Variants in SAMD4B observed in about 807,000 individuals in gnomAD.
SAMD4B encodes protein Smaug homolog 2.
A neutral mutation model predicts 74.5 loss-of-function variants in SAMD4B; 5 were observed. That is an observed-to-expected ratio of 0.07 (90% CI 0.04 to 0.14). The LOEUF (loss-of-function observed/expected upper bound fraction) is 0.14, where lower values mean the gene tolerates loss of function less well. SAMD4B is among the 10% of genes least tolerant of loss of function. The pLI is 1.00. For synonymous variants in SAMD4B, 373 were observed against 374.9 expected (o/e 1.00, Z 0.06); for missense variants, 608 against 921.8 (o/e 0.66, Z 4.41).
chr19:39,350,947 C>T (rs2076006132), intron 1 of SAMD4B: 1 of 152,262 alleles, frequency 6.6e-6, no homozygotes, highest in Non-Finnish European at 1.5e-5. Flanking sequence ...CCATGTTGCC[C>T]AGGCTGCTGA....
Position 39,385,384 on chromosome 19 carries a change from G to C in SAMD4B, c.*1857G>C. On this transcript the variant is annotated 3_prime_UTR_variant, in exon 14 of 14. Transcript: ENST00000610417. ...TGACTGTGCCTGGCACTGGGAGGTG[G>C]TGAGGGACACCGTCTCACACACACA... The C allele has an allele frequency of 2.5e-6, 1 of 405,340 alleles. No homozygotes were observed. Among genetic ancestry groups the C allele is most frequent in the Non-Finnish European group, 4.4e-6 (1 of 229,830 alleles). The allele number at this position is 405,340 out of a possible 1,614,324, so 25.1% of individuals were successfully genotyped here.
chr19:39,380,454 A>G (rs1446246427), intron 10 of SAMD4B, 133 bp from the exon 11 acceptor site: 1 of 928,254 alleles, frequency 1.1e-6, no homozygotes, highest in African/African-American at 1.6e-5. Flanking sequence ...CCCTTGGGGC[A>G]GATGAGGACA....
chr19:39,388,702 T>C, downstream of SAMD4B: 1 of 1,611,566 alleles, frequency 6.2e-7, no homozygotes, highest in Non-Finnish European at 8.5e-7. Context: ...GGAGTAGCAA[T>C]GAAGTGTGAG....
chr19:39,364,926 G>C (rs1399854257), intron 3 of SAMD4B, among the ~76,000 whole-genome samples: 1 of 152,140 alleles, frequency 6.6e-6, no homozygotes, highest in Non-Finnish European at 1.5e-5. Context: ...GGATTGGAGA[G>C]ATAAAAGGTT....
At chr19:39,359,087 C>T (rs370565809) in intron 3 of SAMD4B, among the ~76,000 whole-genome samples, 3 of 152,192 alleles carry the variant, frequency 2.0e-5, no homozygotes, top group East Asian at 3.8e-4. Flanking sequence ...GGAGCTCAGC[C>T]ATTTCTCACC....
downstream of SAMD4B, chr19:39,389,050 G>A: frequency 6.2e-7 from 1 of 1,612,694 alleles, no homozygotes; most frequent in South Asian, 1.1e-5. This position sits in a 1 kb window ranked among gnomAD's most constrained non-coding sequence, Gnocchi z 5.3. Flanking sequence ...GAGGAGCTCT[G>A]CAGCCGCACC....
intron 1 of SAMD4B, chr19:39,350,151 G>A (rs1043088030): frequency 6.6e-6 from 1 of 152,202 alleles, no homozygotes; most frequent in Non-Finnish European, 1.5e-5. Flanking sequence ...GATGTATGAA[G>A]ACATGCTAAG....
In SAMD4B at chr19:39,377,634, A is replaced by G. The variant is rs1339033698; in HGVS notation, c.1254A>G (p.Pro418=). The change falls in exon 8 of 14, where the codon CCA becomes CCG. Residue 418 remains proline (P), a synonymous_variant. Transcript: ENST00000610417. ...PTAKDGAPGE[P]PLPGAEPPLA... is the part of the protein sequence containing the mutation. ...CCAAGGATGGGGCCCCGGGGGAACCACCGCTGCCAGGTGCTGAGCCTCCCC... is the reference window on the plus strand; with the variant it reads ...CCAAGGATGGGGCCCCGGGGGAACCGCCGCTGCCAGGTGCTGAGCCTCCCC... The G allele has an allele frequency of 6.2e-7, 1 of 1,614,034 alleles. No individual in the cohort carries two copies. The highest frequency in any genetic ancestry group is 2.2e-5 in the East Asian group (1 of 44,874).
At chr19:39,362,484 T>C (rs2076713569) in intron 3 of SAMD4B, among the ~76,000 whole-genome samples, 1 of 152,066 alleles carries the variant, frequency 6.6e-6, no homozygotes, top group Non-Finnish European at 1.5e-5. Flanking sequence ...TTCATGGAAG[T>C]AGGACATGAG....
chr19:39,365,753 C>T (rs1214342355), intron 3 of SAMD4B, among the ~76,000 whole-genome samples: 1 of 152,150 alleles, frequency 6.6e-6, no homozygotes, highest in South Asian at 2.1e-4. Context: ...AGTAAATGCT[C>T]AATAAACAGT....
chr19:39,386,654 C>T (rs376652596), downstream of SAMD4B: 1 of 1,597,990 alleles, frequency 6.3e-7, no homozygotes, highest in Admixed American at 1.7e-5. This position sits in a 1 kb window ranked among gnomAD's most constrained non-coding sequence, Gnocchi z 6.1. Flanking sequence ...AACCACCACC[C>T]TCCCTGCCAT....
downstream of SAMD4B, chr19:39,388,815 G>A (rs2078309816): frequency 1.2e-6 from 2 of 1,614,022 alleles, no homozygotes; most frequent in Admixed American, 3.3e-5. Flanking sequence ...TCGTGTCCTT[G>A]GGGGCTGGGT....
chr19:39,369,575 T>C lies in SAMD4B; in HGVS notation c.197-80T>C, dbSNP rs1600560946. ...GAAAAGAAGATTGGAGCTGAGGGAA[T>C]AGGCCATAGGCAGTGCTCTCAGGTG... On this transcript the variant is annotated intron_variant, in intron 3 of 13. Transcript: ENST00000610417. 7.5e-6 allele frequency: 8 copies of C among 1,073,636 alleles called. No homozygotes were observed. In the East Asian group the frequency reaches 7.6e-5, roughly 10 times the overall value. The allele number at this position is 1,073,636 out of a possible 1,614,324, so 66.5% of individuals were successfully genotyped here.
In SAMD4B at chr19:39,383,275, A is replaced by G. The variant is rs774335903; in HGVS notation, c.2040A>G (p.Thr680=). The change falls in exon 13 of 14, where the codon ACA becomes ACG. Residue 680 remains threonine, a synonymous_variant. Coordinates refer to ENST00000610417, the MANE Select transcript of SAMD4B (RefSeq NM_001384574.2). This position sits in a 1 kb window ranked among gnomAD's most constrained non-coding sequence, Gnocchi z 4.1. The stretch of plus-strand genomic sequence containing the variant: ...TGGAGTCTCTGTGTCTGAGCATGAC[A>G]GAACACGCCTTGGGTGGTGAGCATT... ...PTLESLCLSM[T]EHALGDGTDK... 2 of 1,614,142 alleles carry G rather than the reference A, an allele frequency of 1.2e-6. No individual in the cohort carries two copies. The highest frequency in any genetic ancestry group is 4.5e-5 in the East Asian group (2 of 44,880).
chr19:39,386,291 A>G (rs2078246722), downstream of SAMD4B: 1 of 1,613,052 alleles, frequency 6.2e-7, no homozygotes, highest in Admixed American at 1.7e-5. The surrounding 1 kb of genome is among the most constrained non-coding windows in gnomAD (Gnocchi z 6.1). Context: ...CACCACTGCC[A>G]CTCTTGTCAC....
intron 7 of SAMD4B, 68 bp from the exon 8 acceptor site, chr19:39,377,417 T>C: frequency 7.4e-7 from 1 of 1,357,856 alleles, no homozygotes; most frequent in Non-Finnish European, 1.0e-6. Context: ...TCTGACTCTC[T>C]GTGTAGATAC....
chr19:39,346,173 T>C (rs2075689352), intron 1 of SAMD4B, among the ~76,000 whole-genome samples: 1 of 152,164 alleles, frequency 6.6e-6, no homozygotes, highest in South Asian at 2.1e-4. Context: ...AGTAGGGGGC[T>C]TGGGCATGTA....
At chr19:39,371,633 A>C (rs186229366) in intron 4 of SAMD4B, among the ~76,000 whole-genome samples, 1 of 152,156 alleles carries the variant, frequency 6.6e-6, no homozygotes, top group Non-Finnish European at 1.5e-5. Flanking sequence ...CCTGACCAAC[A>C]TGGTGAAACC....
chr19:39,390,113 G>A, downstream of SAMD4B: 2 of 1,614,098 alleles, frequency 1.2e-6, no homozygotes, highest in Non-Finnish European at 1.7e-6. Flanking sequence ...GGTCGAAGGG[G>A]ATATCAGGGA....
Sources: allele counts gnomAD v4.1 joint callset (sites outside exome capture counted in the v4.1 genomes callset), GRCh38; gene constraint gnomAD v4.1.1; non-coding constraint Gnocchi (gnomAD v3.1); transcripts MANE v1.5; gene names NCBI Gene and HGNC (gene_info 2026-07-23, HGNC 2026-07-21).